Variants in SGCD observed in about 807,000 individuals in gnomAD.
SGCD encodes delta-sarcoglycan.
A neutral mutation model predicts 36.6 loss-of-function variants in SGCD; 18 were observed. That is an observed-to-expected ratio of 0.49 (90% CI 0.34 to 0.73). The LOEUF (loss-of-function observed/expected upper bound fraction) is 0.73. Ranked by LOEUF, SGCD falls within the 30% of genes least tolerant of loss-of-function variation. The probability of loss-of-function intolerance (pLI) is 0.01; values close to 1 mark genes in which losing one functional copy is unlikely to be tolerated. For missense variants in SGCD, 387 were observed against 346.7 expected (o/e 1.12, Z -0.92); for synonymous variants, 133 against 130.6 (o/e 1.02, Z -0.12).
chr5:156,440,140 C>T (rs566152784), intron 3 of SGCD, among the ~76,000 whole-genome samples: 1 of 152,064 alleles, frequency 6.6e-6, no homozygotes, highest in Non-Finnish European at 1.5e-5. Flanking sequence ...CCCAATCTCC[C>T]CTTCCCTGTA....
chr5:156,641,119 T>C lies in SGCD; in HGVS notation c.503-6345T>C, dbSNP rs560179217. Among the ~76,000 whole-genome samples, 27 of 152,310 alleles carry C rather than the reference T, an allele frequency of 1.8e-4. No individual in the cohort carries two copies. The East Asian group carries it at 4.0e-3, about 23-fold the overall frequency. On this transcript the variant is annotated intron_variant, in intron 6 of 8. Transcript: ENST00000337851. Reference sequence around the variant, plus strand: ...AAGAATTTTTCACTGCCTATTACTTTTAGGAGAAGGCCACAAATTCATGTT... The same window carrying C: ...AAGAATTTTTCACTGCCTATTACTTCTAGGAGAAGGCCACAAATTCATGTT...
intron 1 of SGCD, among the ~76,000 whole-genome samples, chr5:156,111,239 G>A (rs1304869280): frequency 6.6e-6 from 1 of 152,136 alleles, no homozygotes; most frequent in Non-Finnish European, 1.5e-5. Context: ...AGACGAGACA[G>A]AGAGTGACAC....
At chr5:156,541,620 A>G (rs1186516503) in intron 4 of SGCD, among the ~76,000 whole-genome samples, 1 of 152,124 alleles carries the variant, frequency 6.6e-6, no homozygotes, top group East Asian at 1.9e-4. Flanking sequence ...TTTAACATGG[A>G]TGGATGGTGA....
chr5:155,848,852 C>T, the SGCD span, among the ~76,000 whole-genome samples: 2,973 of 152,174 alleles, frequency 0.02, 95 homozygotes, highest in African/African-American at 0.069. Flanking sequence ...GGCCATGCCT[C>T]CTTAACTTTA....
intron 7 of SGCD, among the ~76,000 whole-genome samples, chr5:156,740,008 T>C (rs565888215): frequency 6.6e-6 from 1 of 152,352 alleles, no homozygotes; most frequent in East Asian, 1.9e-4. Context: ...CCTAGGCCTC[T>C]GCAGTTCCTT....
chr5:156,043,789 A>G (rs1209357413), intron 1 of SGCD, among the ~76,000 whole-genome samples: 3 of 152,316 alleles, frequency 2.0e-5, no homozygotes, highest in African/African-American at 7.2e-5. Flanking sequence ...AATTATTACC[A>G]TGTTTAGAGA....
intron 4 of SGCD, among the ~76,000 whole-genome samples, chr5:156,560,439 A>T (rs1759219802): frequency 6.6e-6 from 1 of 152,198 alleles, no homozygotes; most frequent in African/African-American, 2.4e-5. Flanking sequence ...TACTCCAAGC[A>T]ACACCCAGAA....
chr5:155,778,588 C>T, the SGCD span, among the ~76,000 whole-genome samples: 39 of 150,702 alleles, frequency 2.6e-4, no homozygotes, highest in African/African-American at 8.5e-4. Context: ...AATTTTATTA[C>T]CTCAGGAGGT....
At chr5:156,036,073 A>C (rs907406949) in intron 1 of SGCD, among the ~76,000 whole-genome samples, 14 of 152,184 alleles carry the variant, frequency 9.2e-5, no homozygotes, top group Non-Finnish European at 7.3e-5. Flanking sequence ...ATGATCTCAG[A>C]TAGACCAGGG....
At chr5:156,402,396 A>G (rs959072165) in intron 3 of SGCD, among the ~76,000 whole-genome samples, 4 of 152,222 alleles carry the variant, frequency 2.6e-5, no homozygotes, top group Non-Finnish European at 4.4e-5. Context: ...ATTTTTTGCA[A>G]AAGAGAATGC....
chr5:156,431,313 G>T (rs1252771899), intron 3 of SGCD, among the ~76,000 whole-genome samples: 1 of 152,112 alleles, frequency 6.6e-6, no homozygotes, highest in Non-Finnish European at 1.5e-5. Context: ...TTTTTCTTAA[G>T]ATCTGATTAT....
chr5:156,345,786 T>G (rs1159510899), intron 3 of SGCD, among the ~76,000 whole-genome samples: 1 of 152,196 alleles, frequency 6.6e-6, no homozygotes, highest in East Asian at 1.9e-4. Context: ...AGTAAAATTT[T>G]CATGTGACAA....
the SGCD span, among the ~76,000 whole-genome samples, chr5:155,864,145 C>A: frequency 1.8e-4 from 27 of 152,040 alleles, no homozygotes; most frequent in African/African-American, 6.5e-4. Context: ...GGAAGGTTTT[C>A]CAGCAATGAA....
At chr5:156,520,678 C>T (rs1358956551) in intron 4 of SGCD, among the ~76,000 whole-genome samples, 1 of 152,034 alleles carries the variant, frequency 6.6e-6, no homozygotes, top group Non-Finnish European at 1.5e-5. Context: ...TGTACTGGTT[C>T]AAGAACAGAC....
At chr5:156,117,447 A>T (rs1338836936) in intron 1 of SGCD, among the ~76,000 whole-genome samples, 1 of 152,094 alleles carries the variant, frequency 6.6e-6, no homozygotes, top group Non-Finnish European at 1.5e-5. Flanking sequence ...GAAATATCTT[A>T]TATTTGTGTT....
chr5:156,289,437 A>G (rs1581221261), intron 3 of SGCD, among the ~76,000 whole-genome samples: 5 of 151,690 alleles, frequency 3.3e-5, no homozygotes, highest in African/African-American at 9.7e-5. Flanking sequence ...TGCATTAGCT[A>G]TTTATACTGG....
rs1757449620 is a variant in SGCD, at chr5:156,759,244, C to G, written c.727C>G (p.Leu243Val). The change falls in exon 9 of 9, where the codon CTA (leucine) becomes GTA (valine). Residue 243 changes from leucine (L) to valine (V), a missense_variant. Coordinates refer to ENST00000337851, the MANE Select transcript of SGCD (RefSeq NM_000337.6). ...TAAGTTAGATGCTGCGAAAATCAGGCTACCTAGACTGCCTCATGGATCCTA... is the reference window on the plus strand; with the variant it reads ...TAAGTTAGATGCTGCGAAAATCAGGGTACCTAGACTGCCTCATGGATCCTA... ...EIKLDAAKIR[L>V]PRLPHGSYTP... The G allele has an allele frequency of 1.2e-6, 2 of 1,613,724 alleles. No homozygotes were observed. The highest frequency in any genetic ancestry group is 1.7e-6 in the Non-Finnish European group (2 of 1,179,722).
At chr5:155,990,308 A>T (rs983483928) in intron 1 of SGCD, among the ~76,000 whole-genome samples, 4 of 152,198 alleles carry the variant, frequency 2.6e-5, no homozygotes, top group Non-Finnish European at 4.4e-5. Flanking sequence ...CAATAATGGT[A>T]TTGAAACAAG....
chr5:156,349,810 A>C (rs1441260559), intron 3 of SGCD, among the ~76,000 whole-genome samples: 3 of 152,050 alleles, frequency 2.0e-5, no homozygotes, highest in African/African-American at 7.2e-5. Flanking sequence ...TTTTTGCAGC[A>C]CATTTCACAA....
Sources: gnomAD v4.1 joint callset for allele counts (sites outside exome capture counted in the v4.1 genomes callset) on GRCh38, gnomAD v4.1.1 for gene constraint, MANE v1.5 for transcripts, NCBI Gene and HGNC (gene_info 2026-07-23, HGNC 2026-07-21) for gene names.